ZNF341: variants seen among roughly 807,000 people sequenced by gnomAD.
The protein encoded by ZNF341 is zinc finger protein 341.
A neutral mutation model predicts 87.7 loss-of-function variants in ZNF341; 52 were observed. The ratio of observed to expected loss-of-function variants is 0.59; its 90% CI spans 0.47 to 0.75. The LOEUF (loss-of-function observed/expected upper bound fraction) is 0.75. Ranked by LOEUF, ZNF341 falls within the 30% of genes least tolerant of loss-of-function variation. The probability of loss-of-function intolerance (pLI) is 0.00; values close to 1 mark genes in which losing one functional copy is unlikely to be tolerated. For synonymous variants in ZNF341, 459 were observed against 472.7 expected (o/e 0.97, Z 0.38); for missense variants, 977 against 1,145.9 (o/e 0.85, Z 2.13).
chr20:33,764,135 C>T (rs1446155022), intron 8 of ZNF341, among the ~76,000 whole-genome samples: 2 of 150,752 alleles, frequency 1.3e-5, no homozygotes, highest in South Asian at 2.1e-4. Context: ...CGCCATTTTC[C>T]TGCCTCAGCC....
intron 10 of ZNF341, among the ~76,000 whole-genome samples, chr20:33,780,894 A>T (rs2019727679): frequency 6.6e-6 from 1 of 151,728 alleles, no homozygotes; most frequent in Non-Finnish European, 1.5e-5. Flanking sequence ...TTTCATAGGG[A>T]TAGGGGTCTT....
chr20:33,754,138 G>A (rs2019122048), intron 5 of ZNF341, among the ~76,000 whole-genome samples: 1 of 152,328 alleles, frequency 6.6e-6, no homozygotes, highest in African/African-American at 2.4e-5. Context: ...CAGATCACAA[G>A]TCCAGCTTAG....
At chr20:33,768,138 C>T (rs1282005096) in intron 9 of ZNF341, among the ~76,000 whole-genome samples, 2 of 150,770 alleles carry the variant, frequency 1.3e-5, no homozygotes, top group Non-Finnish European at 3.0e-5. Context: ...TTTTTTTTTC[C>T]CCCCGAGGCA....
At position 33,737,540 on chromosome 20, in the gene ZNF341, C is replaced by T. The variant is rs553826910; in HGVS notation, c.32-3362C>T. ...GTTTTACCGTATTAGCCAGGATGGT[C>T]TTGATCTCCTGACCTCATGATCTGC... On this transcript the variant is annotated intron_variant, in intron 1 of 14. Coordinates refer to ENST00000375200, the MANE Select transcript of ZNF341 (RefSeq NM_001282933.2). Among the ~76,000 whole-genome samples the T allele has an allele frequency of 5.3e-5, 8 of 152,224 alleles. 1 individual carries two copies. The South Asian group carries it at 1.5e-3, about 28-fold the overall frequency.
chr20:33,736,591 G>A (rs2018690325), intron 1 of ZNF341, among the ~76,000 whole-genome samples: 1 of 152,058 alleles, frequency 6.6e-6, no homozygotes, highest in African/African-American at 2.4e-5. Context: ...CCAAGTTCAA[G>A]CGATTCTCCT....
chr20:33,779,081 C>T (rs1021146688), intron 10 of ZNF341, among the ~76,000 whole-genome samples: 1 of 152,228 alleles, frequency 6.6e-6, no homozygotes, highest in Non-Finnish European at 1.5e-5. Flanking sequence ...ATTTGACTCA[C>T]GGTTCAGCAG....
intron 7 of ZNF341, among the ~76,000 whole-genome samples, chr20:33,761,478 G>A (rs77615510): frequency 6.6e-6 from 1 of 152,112 alleles, no homozygotes; most frequent in Admixed American, 6.6e-5. Flanking sequence ...TGGCCAGGCT[G>A]GTCTCGAACT....
At chr20:33,756,752 C>T (rs1665734812) in intron 5 of ZNF341, among the ~76,000 whole-genome samples, 1 of 152,198 alleles carries the variant, frequency 6.6e-6, no homozygotes, top group South Asian at 2.1e-4. Flanking sequence ...TGCATGCTCA[C>T]TCTATGCCAG....
chr20:33,747,995 G>A (rs748215497), intron 3 of ZNF341, among the ~76,000 whole-genome samples: 2 of 150,924 alleles, frequency 1.3e-5, no homozygotes, highest in Non-Finnish European at 2.9e-5. Context: ...TGCCACACCA[G>A]ATATTCTTCT....
chr20:33,752,149 G>A (rs1232357567), intron 4 of ZNF341: 2 of 457,518 alleles, frequency 4.4e-6, no homozygotes, highest in Non-Finnish European at 8.4e-6. Flanking sequence ...TTTATTTGAG[G>A]TATTTGATGA....
chr20:33,732,052 G>A lies in ZNF341; in HGVS notation c.31G>A (p.Gly11Arg), dbSNP rs1478366832. 4.6e-6 allele frequency: 6 copies of A among 1,294,092 alleles called. No individual in the cohort carries two copies. Among genetic ancestry groups the A allele is most frequent in the South Asian group, 4.7e-5 (2 of 42,972 alleles). The allele number at this position is 1,294,092 out of a possible 1,614,324, so 80.2% of individuals were successfully genotyped here. The change falls in exon 1 of 15, where the codon GGA (glycine) becomes AGA (arginine). Residue 11 changes from glycine to arginine, a missense_variant and splice_region_variant. Coordinates refer to ENST00000375200, the MANE Select transcript of ZNF341 (RefSeq NM_001282933.2). This position sits in a 1 kb window ranked among gnomAD's most constrained non-coding sequence, Gnocchi z 4.5. The part of the protein sequence containing the change: MAQAIFEALE[G>R]MDNQTVLAVQ... ...GCAGGCGATCTTTGAGGCCCTGGAG[G>A]GTGAGCGGCGGCGGGGCCGGCGGAG...
intron 9 of ZNF341, 130 bp from the exon 10 acceptor site, chr20:33,769,954 C>T: frequency 4.7e-6 from 3 of 640,788 alleles, no homozygotes; most frequent in South Asian, 3.8e-5. Context: ...GATCCAGTAG[C>T]AGCAGGGGGG....
chr20:33,749,159 G>A, intron 4 of ZNF341, 87 bp downstream of exon 4: 1 of 1,504,046 alleles, frequency 6.6e-7, no homozygotes, highest in South Asian at 1.4e-5. Context: ...GAATAAAGGG[G>A]GCCTGGCCCC....
intron 1 of ZNF341, among the ~76,000 whole-genome samples, chr20:33,739,615 G>T (rs1265594000): frequency 1.3e-5 from 2 of 152,234 alleles, no homozygotes; most frequent in African/African-American, 2.4e-5. Flanking sequence ...GAGAAATAAG[G>T]AAGGCAAGGA....
chr20:33,785,491 C>T (rs539603721), intron 12 of ZNF341, among the ~76,000 whole-genome samples: 2 of 152,090 alleles, frequency 1.3e-5, no homozygotes, highest in African/African-American at 2.4e-5. Flanking sequence ...GCGCCCACCA[C>T]ATGCCTGGCT....
intron 3 of ZNF341, among the ~76,000 whole-genome samples, chr20:33,746,531 C>T (rs922777599): frequency 3.9e-5 from 6 of 152,034 alleles, no homozygotes; most frequent in South Asian, 4.1e-4. Flanking sequence ...CACACCCAGC[C>T]GCTGGGGCTT....
chr20:33,791,168 A>T lies in ZNF341; in HGVS notation c.2216A>T (p.Lys739Met). The change falls in exon 15 of 15, where the codon AAG becomes ATG. Residue 739 changes from lysine (K) to methionine (M), a missense_variant. Coordinates refer to ENST00000375200, the MANE Select transcript of ZNF341 (RefSeq NM_001282933.2). ...TGTCGTCTCGGCCCCCAAAAGGACA[A>T]GGACCTGCAAACCCGGCGGCCCCCC... ...HRCRLGPQKD[K>M]DLQTRRPPQR... 6.2e-7 allele frequency: 1 copy of T among 1,613,202 alleles called. No individual in the cohort carries two copies. The highest frequency in any genetic ancestry group is 8.5e-7 in the Non-Finnish European group (1 of 1,179,988).
intron 5 of ZNF341, 122 bp from the exon 6 acceptor site, chr20:33,757,026 C>T (rs541087358): frequency 1.3e-6 from 1 of 771,808 alleles, no homozygotes; most frequent in South Asian, 3.4e-5. Context: ...GGTGGAGGGG[C>T]TGTGATGGTG....
intron 3 of ZNF341, among the ~76,000 whole-genome samples, chr20:33,747,072 G>A (rs1401462728): frequency 1.3e-5 from 2 of 152,112 alleles, no homozygotes; most frequent in East Asian, 3.9e-4. Context: ...CCGAAAACAC[G>A]GTTCTGGAGC....
Sources: gnomAD v4.1 joint callset for allele counts (sites outside exome capture counted in the v4.1 genomes callset) on GRCh38, gnomAD v4.1.1 for gene constraint, Gnocchi (gnomAD v3.1) non-coding constraint, MANE v1.5 for transcripts, NCBI Gene and HGNC (gene_info 2026-07-23, HGNC 2026-07-21) for gene names.